The following ARHGAP24 variants were observed in gnomAD, a reference collection of about 807,000 sequenced individuals.
The protein encoded by ARHGAP24 is rho GTPase-activating protein 24.
A neutral mutation model predicts 76.4 loss-of-function variants in ARHGAP24; 50 were observed. The observed-to-expected ratio is 0.65, with a 90% CI of 0.52 to 0.83. The LOEUF (loss-of-function observed/expected upper bound fraction) is 0.83, where lower values mean the gene tolerates loss of function less well. ARHGAP24 is among the 40% of genes least tolerant of loss of function. ARHGAP24 has a pLI of 0.00. For synonymous variants in ARHGAP24, 345 were observed against 323.3 expected, an observed-to-expected ratio of 1.07 and a Z score of -0.72; for missense variants, 930 against 914.2, an observed-to-expected ratio of 1.02 and a Z score of -0.22.
At chr4:85,984,263 C>T (rs1474835123) in intron 8 of ARHGAP24, among the ~76,000 whole-genome samples, 2 of 152,142 alleles carry the variant, frequency 1.3e-5, no homozygotes, top group Non-Finnish European at 2.9e-5. Flanking sequence ...TCTTAGTCCA[C>T]TGGAGTTACT....
At chr4:85,819,911 A>T (rs1473107399) in intron 3 of ARHGAP24, among the ~76,000 whole-genome samples, 1 of 152,194 alleles carries the variant, frequency 6.6e-6, no homozygotes, top group African/African-American at 2.4e-5. Context: ...AAATTTCCTG[A>T]GACCTCCCCA....
rs1729772499 is a variant in ARHGAP24, at chr4:85,827,461, CG to C, written c.269-96186del. Among the ~76,000 whole-genome samples the C allele has an allele frequency of 3.7e-5, 4 of 108,712 alleles. No individual in the cohort carries two copies. In the South Asian group the frequency reaches 1.1e-3, roughly 30 times the overall value. The allele number at this position is 108,712 out of a possible 152,430, so 71.3% of individuals were successfully genotyped here. ...TAGAATAGCTACACTGAAGTCTGCC[CG>C]TGTGTGTGTGTGTGTGTGTGTGTGT... On this transcript the variant is annotated intron_variant, in intron 3 of 9. Coordinates refer to ENST00000395184, the MANE Select transcript of ARHGAP24 (RefSeq NM_001025616.3).
chr4:85,825,607 C>T (rs796168020), intron 3 of ARHGAP24, among the ~76,000 whole-genome samples: 23 of 152,266 alleles, frequency 1.5e-4, no homozygotes, highest in African/African-American at 5.3e-4. Context: ...TCTGAACTTG[C>T]TTCTTCAATT....
chr4:85,657,274 T>A (rs2109988188), intron 2 of ARHGAP24, among the ~76,000 whole-genome samples: 1 of 152,336 alleles, frequency 6.6e-6, no homozygotes, highest in East Asian at 1.9e-4. Context: ...GTTTTAATAA[T>A]GTGCTATCTG....
At chr4:85,906,148 G>A (rs375453013) in intron 3 of ARHGAP24, among the ~76,000 whole-genome samples, 42 of 152,248 alleles carry the variant, frequency 2.8e-4, no homozygotes, top group African/African-American at 8.7e-4. Context: ...GGAAACCTAT[G>A]ATAAATATTT....
At chr4:85,976,402 A>G (rs1739329339) in intron 7 of ARHGAP24, among the ~76,000 whole-genome samples, 2 of 152,290 alleles carry the variant, frequency 1.3e-5, no homozygotes, top group Non-Finnish European at 2.9e-5. Flanking sequence ...TTTGGAGAAG[A>G]TCCCCCCTCT....
intron 2 of ARHGAP24, among the ~76,000 whole-genome samples, chr4:85,613,770 C>T (rs952338619): frequency 2.6e-5 from 4 of 152,116 alleles, no homozygotes; most frequent in African/African-American, 9.7e-5. Flanking sequence ...TTATTTTAAC[C>T]AAACATATTA....
At chr4:85,872,595 CTTT>C (rs5860005) in intron 3 of ARHGAP24, among the ~76,000 whole-genome samples, 8 of 73,184 alleles carry the variant, frequency 1.1e-4, no homozygotes, top group East Asian at 9.0e-4. Context: ...TGCATCTGGC[CTTT>C]TTTTTTTTTT....
chr4:85,515,504 A>T (rs185204562), intron 1 of ARHGAP24, among the ~76,000 whole-genome samples: 1 of 150,770 alleles, frequency 6.6e-6, no homozygotes, highest in Non-Finnish European at 1.5e-5. Flanking sequence ...ATATATATAT[A>T]TTCTTATTCT....
At chr4:85,835,339 C>G (rs1448442560) in intron 3 of ARHGAP24, among the ~76,000 whole-genome samples, 2 of 151,504 alleles carry the variant, frequency 1.3e-5, no homozygotes, top group Admixed American at 1.3e-4. Context: ...GCGGGCGGAT[C>G]ACGAGGTCAG....
intron 3 of ARHGAP24, chr4:85,827,797 G>T: frequency 1.4e-6 from 1 of 690,376 alleles, no homozygotes; most frequent in Non-Finnish European, 2.1e-6. Flanking sequence ...GGAGCGAGCC[G>T]TGGTTTCCAT....
intron 2 of ARHGAP24, among the ~76,000 whole-genome samples, chr4:85,685,040 T>C (rs1196331707): frequency 6.6e-6 from 1 of 152,222 alleles, no homozygotes; most frequent in Non-Finnish European, 1.5e-5. Flanking sequence ...AGATAATGGT[T>C]TCATTATTAG....
chr4:85,941,745 GA>G (rs1736957732), intron 4 of ARHGAP24, among the ~76,000 whole-genome samples: 1 of 151,876 alleles, frequency 6.6e-6, no homozygotes, highest in African/African-American at 2.4e-5. Context: ...TTCCTAAAAG[GA>G]AAAAAATAAA....
chr4:85,476,127 G>A (rs549762376), intron 1 of ARHGAP24, among the ~76,000 whole-genome samples: 39 of 150,008 alleles, frequency 2.6e-4, no homozygotes, highest in African/African-American at 9.0e-4. Context: ...AAAACGTTAG[G>A]GAATCTTTGG....
chr4:85,643,234 G>GTGTGTGTGTTTTTTT (rs1721592505), intron 2 of ARHGAP24, among the ~76,000 whole-genome samples: 1 of 54,610 alleles, frequency 1.8e-5, no homozygotes, highest in African/African-American at 5.9e-5. Flanking sequence ...GTTTTTTTGT[G>GTGTGTGTGTTTTTTT]TTTTTTTTTT....
At chr4:85,511,189 A>G (rs1469645977) in intron 1 of ARHGAP24, among the ~76,000 whole-genome samples, 1 of 152,238 alleles carries the variant, frequency 6.6e-6, no homozygotes, top group Non-Finnish European at 1.5e-5. Flanking sequence ...ACTGAGGCAG[A>G]AAATAAGAAT....
chr4:85,720,289 T>C (rs1724882930), intron 2 of ARHGAP24, among the ~76,000 whole-genome samples: 1 of 151,946 alleles, frequency 6.6e-6, no homozygotes. Context: ...AAAAGAAAGA[T>C]GTCAGAATAT....
intron 2 of ARHGAP24, among the ~76,000 whole-genome samples, chr4:85,698,041 G>A (rs1244510761): frequency 6.6e-6 from 1 of 152,136 alleles, no homozygotes; most frequent in Non-Finnish European, 1.5e-5. Flanking sequence ...TGTATTTGAG[G>A]GGAGTGTGGG....
chr4:85,852,256 G>A (rs770147996), intron 3 of ARHGAP24, among the ~76,000 whole-genome samples: 6 of 152,162 alleles, frequency 3.9e-5, no homozygotes, highest in Non-Finnish European at 8.8e-5. Context: ...TGAAGCTTCT[G>A]TGTGTGTCAC....
Sources: allele counts gnomAD v4.1 joint callset (sites outside exome capture counted in the v4.1 genomes callset), GRCh38; gene constraint gnomAD v4.1.1; transcripts MANE v1.5; gene names NCBI Gene and HGNC (gene_info 2026-07-23, HGNC 2026-07-21).